CACNA1C: variants seen among roughly 807,000 people sequenced by gnomAD.
CACNA1C encodes calcium voltage-gated channel subunit alpha1 C.
Under a neutral mutation model 229.0 loss-of-function variants are expected in CACNA1C, and 30 were observed. The observed-to-expected ratio is 0.13, with a 90% CI of 0.10 to 0.18. CACNA1C has a LOEUF of 0.18. Among genes scored for constraint, CACNA1C ranks in the 10% least tolerant of loss-of-function variants. CACNA1C has a pLI of 1.00. For missense variants in CACNA1C, 1,658 were observed against 2,845.0 expected, an observed-to-expected ratio of 0.58 and a Z score of 9.49; for synonymous variants, 1,114 against 1,132.5, an observed-to-expected ratio of 0.98 and a Z score of 0.33.
intron 1 of CACNA1C, among the ~76,000 whole-genome samples, chr12:2,062,355 A>G (rs564096955): frequency 6.6e-6 from 1 of 152,360 alleles, no homozygotes; most frequent in East Asian, 1.9e-4. Flanking sequence ...ACTGAGGACC[A>G]AAGTCTTAAG....
At chr12:2,135,661 C>A (rs368517739) in intron 3 of CACNA1C, among the ~76,000 whole-genome samples, 6 of 143,520 alleles carry the variant, frequency 4.2e-5, no homozygotes, top group East Asian at 2.0e-4. Context: ...GCAGTCTGCC[C>A]GTTCTCAGAT....
intron 3 of CACNA1C, among the ~76,000 whole-genome samples, chr12:2,149,388 T>G (rs576696828): frequency 4.6e-4 from 70 of 152,280 alleles, no homozygotes; most frequent in Non-Finnish European, 2.8e-4. Context: ...TTTTCTGGAC[T>G]CTCTTAAAAA....
intron 3 of CACNA1C, among the ~76,000 whole-genome samples, chr12:2,292,707 G>A (rs1591879328): frequency 6.6e-6 from 1 of 152,324 alleles, no homozygotes; most frequent in East Asian, 1.9e-4. Context: ...GTGTGTCTAA[G>A]GAAAGCTGCC....
chr12:2,665,492 C>A lies in CACNA1C; in HGVS notation c.4399-89C>A. Reference sequence around the variant, plus strand: ...GGTCTTTAGAAATGTTGGCTTCTGCCATCAGTAGGCCCCAGCTGGCAAGGG... The same window carrying A: ...GGTCTTTAGAAATGTTGGCTTCTGCAATCAGTAGGCCCCAGCTGGCAAGGG... On this transcript the variant is annotated intron_variant, in intron 35 of 46. Coordinates refer to ENST00000399655, the MANE Select transcript of CACNA1C (RefSeq NM_000719.7). This position sits in a 1 kb window ranked among gnomAD's most constrained non-coding sequence, Gnocchi z 5.9. 1 of 1,429,202 alleles carries A rather than the reference C, an allele frequency of 7.0e-7. No individual in the cohort carries two copies. Among genetic ancestry groups the A allele is most frequent in the Non-Finnish European group, 9.7e-7 (1 of 1,027,434 alleles). 88.5% of individuals were successfully genotyped at this position (1,429,202 alleles called of 1,614,324 possible).
intron 3 of CACNA1C, among the ~76,000 whole-genome samples, chr12:2,177,077 G>T (rs1182653546): frequency 6.6e-6 from 1 of 152,184 alleles, no homozygotes; most frequent in Non-Finnish European, 1.5e-5. Context: ...TTTCCATCCA[G>T]ATTTTCCCAG....
At chr12:2,552,496 G>A (rs546350317) in intron 10 of CACNA1C, among the ~76,000 whole-genome samples, 1 of 152,298 alleles carries the variant, frequency 6.6e-6, no homozygotes, top group South Asian at 2.1e-4. Context: ...TAACCGTTTG[G>A]GTCTGCATCA....
intron 3 of CACNA1C, among the ~76,000 whole-genome samples, chr12:2,182,131 C>CAATA (rs2096859278): frequency 2.3e-5 from 2 of 86,700 alleles, no homozygotes; most frequent in Non-Finnish European, 4.6e-5. Flanking sequence ...TTTCTGTCTG[C>CAATA]AAAAAAAAAA....
At chr12:2,096,247 G>A (rs2073907587) in intron 1 of CACNA1C, among the ~76,000 whole-genome samples, 1 of 152,258 alleles carries the variant, frequency 6.6e-6, no homozygotes, top group Admixed American at 6.5e-5. Flanking sequence ...GTGAAGGCAT[G>A]TTTGTGCATG....
chr12:2,652,441 T>C (rs887822706), intron 32 of CACNA1C, among the ~76,000 whole-genome samples: 1 of 152,238 alleles, frequency 6.6e-6, no homozygotes, highest in Non-Finnish European at 1.5e-5. Flanking sequence ...GTCACTTGAC[T>C]TCCCCCAGAT....
chr12:2,615,707 G>T (rs910789603), intron 29 of CACNA1C, among the ~76,000 whole-genome samples: 1 of 152,206 alleles, frequency 6.6e-6, no homozygotes, highest in Non-Finnish European at 1.5e-5. Flanking sequence ...AGCCTGGCGC[G>T]GGAAGCAGTG....
rs541967618 is a variant in CACNA1C, at chr12:2,679,458, G to A, written c.5106G>A (p.Leu1702=). The change falls in exon 42 of 47, where the codon CTG becomes CTA. Residue 1702 remains leucine (L), a synonymous_variant. Coordinates refer to ENST00000399655, the MANE Select transcript of CACNA1C (RefSeq NM_000719.7). The surrounding 1 kb of genome is among the most constrained non-coding windows in gnomAD (Gnocchi z 5.5). ...EDDIFRRAGG[L]FGNHVSYYQS... ...CTTGCCTACAGAGGGCCGGTGGCCT[G>A]TTCGGCAACCACGTCAGCTACTACC... 135 of 1,574,242 alleles carry A rather than the reference G, an allele frequency of 8.6e-5. 1 individual carries two copies. The South Asian group carries it at 1.5e-3, about 18-fold the overall frequency.
chr12:2,061,886 T>C (rs1368229156), intron 1 of CACNA1C, among the ~76,000 whole-genome samples: 1 of 152,212 alleles, frequency 6.6e-6, no homozygotes, highest in Non-Finnish European at 1.5e-5. Context: ...AATAAACTTA[T>C]TTATTTTTCA....
chr12:2,427,820 A>T (rs917274624), intron 3 of CACNA1C, among the ~76,000 whole-genome samples: 13 of 152,088 alleles, frequency 8.5e-5, no homozygotes, highest in Non-Finnish European at 1.9e-4. Flanking sequence ...GAGTTTTACC[A>T]TGATGGCCAG....
At chr12:2,208,231 C>G (rs2097811562) in intron 3 of CACNA1C, among the ~76,000 whole-genome samples, 1 of 152,224 alleles carries the variant, frequency 6.6e-6, no homozygotes, top group Non-Finnish European at 1.5e-5. Flanking sequence ...CTGAACTTCT[C>G]TATGTCTAAG....
At chr12:2,526,821 A>G (rs1193855659) in intron 9 of CACNA1C, among the ~76,000 whole-genome samples, 1 of 152,242 alleles carries the variant, frequency 6.6e-6, no homozygotes, top group Non-Finnish European at 1.5e-5. Context: ...TTACTCAGTC[A>G]TAAAAATACA....
intron 5 of CACNA1C, among the ~76,000 whole-genome samples, chr12:2,485,090 G>C (rs1414548142): frequency 6.6e-6 from 1 of 152,020 alleles, no homozygotes; most frequent in African/African-American, 2.4e-5. Flanking sequence ...AGGGTGAGAT[G>C]CCCCACACAG....
At chr12:2,667,754 G>A (rs545967172) in intron 37 of CACNA1C, among the ~76,000 whole-genome samples, 4 of 152,284 alleles carry the variant, frequency 2.6e-5, no homozygotes, top group Admixed American at 2.6e-4. Context: ...CCAAGATACA[G>A]TTCACACCGT....
At chr12:1,990,853 C>A (rs2039195302) in intron 1 of CACNA1C, among the ~76,000 whole-genome samples, 1 of 152,130 alleles carries the variant, frequency 6.6e-6, no homozygotes, top group South Asian at 2.1e-4. Context: ...TAAGAGGTAT[C>A]TGACACTCTG....
chr12:2,438,293 G>A (rs2099169385), intron 3 of CACNA1C, among the ~76,000 whole-genome samples: 4 of 147,658 alleles, frequency 2.7e-5, no homozygotes, highest in African/African-American at 2.5e-5. Context: ...GGTAATGATG[G>A]TGGTGGTGGT....
Sources: allele counts gnomAD v4.1 joint callset (sites outside exome capture counted in the v4.1 genomes callset), GRCh38; gene constraint gnomAD v4.1.1; non-coding constraint Gnocchi (gnomAD v3.1); transcripts MANE v1.5; gene names NCBI Gene and HGNC (gene_info 2026-07-23, HGNC 2026-07-21).